ZNF254: variants seen among roughly 807,000 people sequenced by gnomAD.
The protein encoded by ZNF254 is zinc finger protein 254.
In ZNF254, 10 loss-of-function variants were observed where a neutral mutation model predicts 12.4. The ratio of observed to expected loss-of-function variants is 0.80; its 90% CI spans 0.50 to 1.36. The LOEUF (loss-of-function observed/expected upper bound fraction) is 1.36. Among genes scored for constraint, ZNF254 ranks in the 40% most tolerant of loss-of-function variants. The pLI, the probability that ZNF254 is intolerant of heterozygous loss-of-function variation, is 0.00. For missense variants in ZNF254, 996 were observed against 763.9 expected (o/e 1.30, Z -3.58); for synonymous variants, 305 against 253.4 (o/e 1.20, Z -1.93).
upstream of ZNF254, among the ~76,000 whole-genome samples, chr19:24,085,874 GA>G (rs1035943487): frequency 6.6e-6 from 1 of 152,024 alleles, no homozygotes; most frequent in African/African-American, 2.4e-5. Context: ...GTTTCAAATT[GA>G]AAATATAAAA....
chr19:24,071,231 C>G (rs545395905), intron 2 of ZNF254, among the ~76,000 whole-genome samples: 8 of 152,234 alleles, frequency 5.3e-5, no homozygotes, highest in African/African-American at 1.9e-4. Flanking sequence ...CGTGATGTTA[C>G]TCTTTGCTCC....
chr19:24,073,068 G>T (rs80157981), intron 2 of ZNF254, among the ~76,000 whole-genome samples: 7,313 of 152,282 alleles, frequency 0.048, 268 homozygotes, highest in Non-Finnish European at 0.074. Flanking sequence ...TGTCATAAAG[G>T]ATTACTTTTC....
Position 24,127,519 on chromosome 19 carries a change from A to G in ZNF254, c.1519A>G (p.Thr507Ala). Residue 507 changes from threonine to alanine, a missense_variant, in exon 4 of 4, where the codon ACA becomes GCA. Coordinates refer to ENST00000357002, the MANE Select transcript of ZNF254 (RefSeq NM_203282.4). Reference sequence around the variant, plus strand: ...TTTTAGCCAATCCTCAACCCTTACTACACATAAGATAATTCATACTGGAGA... The same window carrying G: ...TTTTAGCCAATCCTCAACCCTTACTGCACATAAGATAATTCATACTGGAGA... ...KSFSQSSTLT[T>A]HKIIHTGEKP... 1.9e-6 allele frequency: 3 copies of G among 1,613,520 alleles called. No individual in the cohort carries two copies. The highest frequency in any genetic ancestry group is 2.5e-6 in the Non-Finnish European group (3 of 1,179,802).
intron 1 of ZNF254, among the ~76,000 whole-genome samples, chr19:24,045,402 G>A: frequency 6.6e-6 from 1 of 152,198 alleles, no homozygotes; most frequent in Non-Finnish European, 1.5e-5. Flanking sequence ...GGGCGTGGTG[G>A]CTCACATCTG....
intron 1 of ZNF254, among the ~76,000 whole-genome samples, chr19:24,045,863 G>A (rs544958352): frequency 3.6e-4 from 54 of 151,772 alleles, no homozygotes; most frequent in African/African-American, 1.2e-3. Flanking sequence ...TCCTTGGGAG[G>A]TAGTGCTTTG....
At chr19:24,089,039 C>T (rs1243235983) in intron 1 of ZNF254, among the ~76,000 whole-genome samples, 1 of 142,522 alleles carries the variant, frequency 7.0e-6, no homozygotes, top group Non-Finnish European at 1.5e-5. Flanking sequence ...TGCAATGGCA[C>T]GATCTCGGCT....
intron 2 of ZNF254, among the ~76,000 whole-genome samples, chr19:24,055,420 A>C (rs1970813857): frequency 6.6e-6 from 1 of 151,652 alleles, no homozygotes; most frequent in African/African-American, 2.4e-5. Flanking sequence ...CTGGGATTAC[A>C]GGCACATACC....
chr19:24,068,234 C>A (rs768278279), intron 2 of ZNF254, among the ~76,000 whole-genome samples: 8 of 151,598 alleles, frequency 5.3e-5, no homozygotes, highest in Non-Finnish European at 7.4e-5. Context: ...GTGTTGCTCA[C>A]AGAGAGCGTT....
In ZNF254 at chr19:24,127,474, T is replaced by C. The variant is rs1439133062; in HGVS notation, c.1474T>C (p.Cys492Arg). The change falls in exon 4 of 4, where the codon TGT (cysteine) becomes CGT (arginine). Residue 492 changes from cysteine to arginine, a missense_variant. Coordinates refer to ENST00000357002, the MANE Select transcript of ZNF254 (RefSeq NM_203282.4). The stretch of plus-strand genomic sequence containing the variant: ...GCACACTGGAGAGAAACCCTACAAA[T>C]GTGAAGAATGTGGCAAATCTTTTAG... ...RMHTGEKPYK[C>R]EECGKSFSQS... The C allele has an allele frequency of 6.2e-7, 1 of 1,613,500 alleles. No homozygotes were observed. The highest frequency in any genetic ancestry group is 8.5e-7 in the Non-Finnish European group (1 of 1,179,796).
At chr19:24,108,019 GT>G (rs1302255357) in intron 3 of ZNF254, among the ~76,000 whole-genome samples, 1 of 152,214 alleles carries the variant, frequency 6.6e-6, no homozygotes, top group Non-Finnish European at 1.5e-5. Context: ...CCAAGGGCAG[GT>G]TTCTGCACTC....
At chr19:24,107,611 C>T (rs1973425933) in intron 3 of ZNF254, among the ~76,000 whole-genome samples, 1 of 152,086 alleles carries the variant, frequency 6.6e-6, no homozygotes, top group African/African-American at 2.4e-5. Flanking sequence ...TATATGATTA[C>T]ATGATCTACA....
At chr19:24,090,034 GA>G (rs575080256) in intron 1 of ZNF254, among the ~76,000 whole-genome samples, 3,332 of 94,674 alleles carry the variant, frequency 0.035, 73 homozygotes, top group Admixed American at 0.1. Flanking sequence ...CTAAAAATAC[GA>G]AAAAAAAAAA....
chr19:24,052,605 A>C (rs1233924433), intron 2 of ZNF254, among the ~76,000 whole-genome samples: 1 of 152,212 alleles, frequency 6.6e-6, no homozygotes, highest in African/African-American at 2.4e-5. Context: ...TGGGCCTAGC[A>C]TCCAGGTGAT....
At chr19:24,064,515 ATGTGTTTT>A (rs1478282785) in intron 2 of ZNF254, 1 of 151,638 alleles carries the variant, frequency 6.6e-6, no homozygotes, top group Non-Finnish European at 1.5e-5. Context: ...TGCATGCAAT[ATGTGTTTT>A]TGTGTTTTTT....
At chr19:24,096,794 ACT>A (rs1479218183) in intron 1 of ZNF254, among the ~76,000 whole-genome samples, 16 of 151,870 alleles carry the variant, frequency 1.1e-4, no homozygotes, top group Admixed American at 2.0e-4. Flanking sequence ...ATAATTTAAA[ACT>A]CTTATAGATC....
chr19:24,098,888 A>G (rs958770278), intron 1 of ZNF254: 1 of 151,292 alleles, frequency 6.6e-6, no homozygotes, highest in East Asian at 2.0e-4. Context: ...CATTATAAAT[A>G]GAAACTGTGG....
rs770831001 is a variant in ZNF254, at chr19:24,127,005, A to G, written c.1005A>G (p.Ser335=). ...EECGKAFIWS[S]TLTRHKRMHT... ...GTGGCAAAGCATTTATATGGTCCTC[A>G]ACACTAACTAGACATAAGAGGATGC... The change falls in exon 4 of 4, where the codon TCA becomes TCG. Residue 335 remains serine, a synonymous_variant. Coordinates refer to ENST00000357002, the MANE Select transcript of ZNF254 (RefSeq NM_203282.4). The G allele has an allele frequency of 6.8e-6, 11 of 1,613,730 alleles. No homozygotes were observed. In the East Asian group the frequency reaches 2.5e-4, roughly 36 times the overall value.
At chr19:24,101,312 G>C (rs867502674) in intron 1 of ZNF254, among the ~76,000 whole-genome samples, 1 of 152,198 alleles carries the variant, frequency 6.6e-6, no homozygotes, top group African/African-American at 2.4e-5. Flanking sequence ...TTATAAAACA[G>C]GGTCCTACTT....
chr19:24,046,864 T>G (rs1970411235), intron 2 of ZNF254, among the ~76,000 whole-genome samples: 1 of 142,714 alleles, frequency 7.0e-6, no homozygotes, highest in African/African-American at 2.6e-5. Flanking sequence ...CATCTTTCCT[T>G]TTTTTTTTTT....
Sources: allele counts gnomAD v4.1 joint callset (sites outside exome capture counted in the v4.1 genomes callset), GRCh38; gene constraint gnomAD v4.1.1; transcripts MANE v1.5; gene names NCBI Gene and HGNC (gene_info 2026-07-23, HGNC 2026-07-21).